The following SPNS1 variants were observed in gnomAD, a reference collection of about 807,000 sequenced individuals.
SPNS1 encodes SPNS lysolipid transporter 1, lysophospholipid.
A neutral mutation model predicts 50.3 loss-of-function variants in SPNS1; 22 were observed. The observed-to-expected ratio is 0.44, with a 90% CI of 0.31 to 0.62. The LOEUF (loss-of-function observed/expected upper bound fraction) is 0.62. Ranked by LOEUF, SPNS1 falls within the 20% of genes least tolerant of loss-of-function variation. The pLI is 0.07. For missense variants in SPNS1, 576 were observed against 728.6 expected, an observed-to-expected ratio of 0.79 and a Z score of 2.41; for synonymous variants, 295 against 317.4, an observed-to-expected ratio of 0.93 and a Z score of 0.75.
intron 9 of SPNS1, 34 bp downstream of exon 9, chr16:28,982,956 A>G (rs779537109): frequency 6.2e-7 from 1 of 1,611,778 alleles, no homozygotes; most frequent in Non-Finnish European, 8.5e-7. Flanking sequence ...GTCAGCGCAG[A>G]GGCTGATGAG....
At chr16:28,979,041 C>A in intron 3 of SPNS1, 114 bp from the exon 4 acceptor site, 1 of 1,351,528 alleles carries the variant, frequency 7.4e-7, no homozygotes, top group Non-Finnish European at 1.0e-6. Flanking sequence ...CTGTGTGATT[C>A]TAAAACCCAG....
Position 28,981,894 on chromosome 16 carries a change from T to C in SPNS1, c.810-7T>C, listed in dbSNP as rs769799596. The C allele has an allele frequency of 5.0e-6, 8 of 1,613,886 alleles. No homozygotes were observed. The highest frequency in any genetic ancestry group is 8.5e-7 in the Non-Finnish European group (1 of 1,179,930). ...GGTCTTACTCTCTCCCTCCCAACTA[T>C]CTGCAGTCCTAGTTTCGTCCTGTCT... On this transcript the variant is annotated splice_polypyrimidine_tract_variant and splice_region_variant and intron_variant, in intron 6 of 11. Transcript: ENST00000311008. The surrounding 1 kb of genome is among the most constrained non-coding windows in gnomAD (Gnocchi z 4.2).
At chr16:28,975,424 T>G in intron 1 of SPNS1, 32 bp downstream of exon 1, 1 of 1,614,200 alleles carries the variant, frequency 6.2e-7, no homozygotes, top group Admixed American at 1.7e-5. Context: ...GAAGATAGTC[T>G]AGGAGAGGGG....
Position 28,984,409 on chromosome 16 carries a change from G to A in SPNS1, c.*110G>A, listed in dbSNP as rs541318743. ...TGGCCCAGCTTCCAGAGGGACCCTG[G>A]GCCGTGTGCCAGCTCCCAGACACTA... On this transcript the variant is annotated 3_prime_UTR_variant, in exon 12 of 12. Transcript: ENST00000311008. 26 of 1,119,078 alleles carry A rather than the reference G, an allele frequency of 2.3e-5. No homozygotes were observed. Among genetic ancestry groups the A allele is most frequent in the Non-Finnish European group, 3.3e-5 (25 of 763,590 alleles). The allele number at this position is 1,119,078 out of a possible 1,614,324, so 69.3% of individuals were successfully genotyped here.
chr16:28,982,100 C>A, intron 7 of SPNS1, 44 bp downstream of exon 7: 5 of 1,597,792 alleles, frequency 3.1e-6, no homozygotes, highest in Non-Finnish European at 4.3e-6. Context: ...GGTGGCAGGG[C>A]TGGAGTGAAG....
At chr16:28,978,128 T>TG in intron 3 of SPNS1, 84 bp downstream of exon 3, 2 of 1,543,372 alleles carry the variant, frequency 1.3e-6, no homozygotes, top group Non-Finnish European at 1.8e-6. Context: ...TATGGCAGAC[T>TG]GGGCCTCAGG....
In SPNS1 at chr16:28,979,508, G is replaced by A. The variant is rs117877777; in HGVS notation, c.663+37G>A. On this transcript the variant is annotated intron_variant, in intron 5 of 11. Transcript: ENST00000311008. The stretch of plus-strand genomic sequence containing the variant: ...CTTGGCCTGGGGGTAGGTCAGCGAC[G>A]TTCTCACTGATCCCTGTTTCCTACC... 4,056 of 1,603,606 alleles carry A rather than the reference G, an allele frequency of 2.5e-3. 70 individuals carry two copies. The East Asian group carries it at 0.032, about 13-fold the overall frequency.
Position 28,983,320 on chromosome 16 carries a change from T to C in SPNS1, c.1320+30T>C, listed in dbSNP as rs1182523492. 1 of 1,579,592 alleles carries C rather than the reference T, an allele frequency of 6.3e-7. No individual in the cohort carries two copies. Among genetic ancestry groups the C allele is most frequent in the African/African-American group, 1.3e-5 (1 of 74,212 alleles). On this transcript the variant is annotated intron_variant, in intron 10 of 11. Transcript: ENST00000311008. This position sits in a 1 kb window ranked among gnomAD's most constrained non-coding sequence, Gnocchi z 5.4. ...GCATTATTTCTTGGCTGGCATGGGG[T>C]GGCTGGTGTCCTGAGCCTGGGCTGG... is the stretch of plus-strand genomic sequence containing the variant.
Position 28,983,696 on chromosome 16 carries a change from T to C in SPNS1, c.1321-90T>C. ...CCTCCTTCCCTTTCCTGGGCTCCAC[T>C]TGTCTTTCTCCCTGGAGCTCAGGGG... On this transcript the variant is annotated intron_variant, in intron 10 of 11. Transcript: ENST00000311008. The surrounding 1 kb of genome is among the most constrained non-coding windows in gnomAD (Gnocchi z 5.4). 1 of 1,411,722 alleles carries C rather than the reference T, an allele frequency of 7.1e-7. No homozygotes were observed. The highest frequency in any genetic ancestry group is 9.5e-7 in the Non-Finnish European group (1 of 1,054,574). The allele number at this position is 1,411,722 out of a possible 1,614,324, so 87.4% of individuals were successfully genotyped here.
In SPNS1 at chr16:28,983,773, C is replaced by G; in HGVS notation, c.1321-13C>G. On this transcript the variant is annotated splice_polypyrimidine_tract_variant and intron_variant, in intron 10 of 11. Transcript: ENST00000311008. The surrounding 1 kb of genome is among the most constrained non-coding windows in gnomAD (Gnocchi z 5.4). ...GCTGACTCCCCTGGCTTTCCTGTCT[C>G]CTCTCCCTGCAGATCTCTGACCGCC... 1 of 1,569,526 alleles carries G rather than the reference C, an allele frequency of 6.4e-7. No homozygotes were observed. The highest frequency in any genetic ancestry group is 1.2e-5 in the South Asian group (1 of 86,326).
In SPNS1 at chr16:28,984,488, A is replaced by T. The variant is rs544037733; in HGVS notation, c.*189A>T. ...GTCCAGGAGGGGGATCCCTCTCCAC[A>T]GGGGCAGCCCCAAGGGCTCGGTGCT... On this transcript the variant is annotated 3_prime_UTR_variant, in exon 12 of 12. Transcript: ENST00000311008. The T allele has an allele frequency of 1.4e-6, 1 of 706,380 alleles. No homozygotes were observed. Among genetic ancestry groups the T allele is most frequent in the East Asian group, 2.7e-5 (1 of 37,306 alleles). 43.8% of individuals were successfully genotyped at this position (706,380 alleles called of 1,614,324 possible). A position where few individuals can be genotyped will look rare whatever the true frequency, so the allele number is the denominator to read the frequency against.
Position 28,983,275 on chromosome 16 carries a change from C to T in SPNS1, c.1305C>T (p.Pro435=). The T allele has an allele frequency of 6.2e-7, 1 of 1,614,062 alleles. No individual in the cohort carries two copies. The highest frequency in any genetic ancestry group is 1.1e-5 in the South Asian group (1 of 91,080). ...ACCTGCTGGGTGATGCTGGGAGCCC[C>T]TACCTCATTGGCCTGGTGAGCATTA... is the stretch of plus-strand genomic sequence containing the variant. ...LSHLLGDAGS[P]YLIGLISDRL... The change falls in exon 10 of 12, where the codon CCC becomes CCT. Residue 435 remains proline, a synonymous_variant. Coordinates refer to ENST00000311008, the MANE Select transcript of SPNS1 (RefSeq NM_032038.3). The surrounding 1 kb of genome is among the most constrained non-coding windows in gnomAD (Gnocchi z 5.4).
At position 28,982,461 on chromosome 16, in the gene SPNS1, G is replaced by A. The variant is rs780377313; in HGVS notation, c.1071G>A (p.Leu357=). The change falls in exon 8 of 12, where the codon CTG becomes CTA. Residue 357 remains leucine (L), a synonymous_variant. Transcript: ENST00000311008. ...ACTCCAACCCCCGGGCTGATCCCCT[G>A]GTCTGTGCCACTGGCCTCCTGGGCT... ...LRHSNPRADP[L]VCATGLLGSA... 3 of 1,613,872 alleles carry A rather than the reference G, an allele frequency of 1.9e-6. No homozygotes were observed. The highest frequency in any genetic ancestry group is 2.5e-6 in the Non-Finnish European group (3 of 1,179,954).
downstream of SPNS1, chr16:28,984,692 C>T (rs1347962147): frequency 8.9e-6 from 6 of 675,614 alleles, no homozygotes; most frequent in Admixed American, 1.4e-4. Flanking sequence ...TGGGGGACTG[C>T]TCTTCTCCGA....
At chr16:28,978,906 A>C (rs758217970) in intron 3 of SPNS1, 23 of 555,712 alleles carry the variant, frequency 4.1e-5, no homozygotes, top group Non-Finnish European at 7.0e-5. Flanking sequence ...TAGTCCTTGC[A>C]ATAGCTCTGT....
chr16:28,981,430 G>A lies in SPNS1; in HGVS notation c.664-40G>A, dbSNP rs1056112818. On this transcript the variant is annotated intron_variant, in intron 5 of 11. Transcript: ENST00000311008. The surrounding 1 kb of genome is among the most constrained non-coding windows in gnomAD (Gnocchi z 4.2). ...CTCCTCCAGCCCAGGGCTTGAGTGTGTCTCTCCCTGTGCCTATCCTGAAGC... is the reference window on the plus strand; with the variant it reads ...CTCCTCCAGCCCAGGGCTTGAGTGTATCTCTCCCTGTGCCTATCCTGAAGC... The A allele has an allele frequency of 6.2e-7, 1 of 1,612,696 alleles. No homozygotes were observed. The highest frequency in any genetic ancestry group is 2.2e-5 in the East Asian group (1 of 44,878).
intron 5 of SPNS1, 33 bp downstream of exon 5, chr16:28,979,504 C>G: frequency 6.2e-7 from 1 of 1,609,222 alleles, no homozygotes; most frequent in Non-Finnish European, 8.5e-7. Context: ...GGTAGGTCAG[C>G]GACGTTCTCA....
At chr16:28,982,077 TG>T (rs1567525891) in intron 7 of SPNS1, 21 bp downstream of exon 7, 4 of 1,609,176 alleles carry the variant, frequency 2.5e-6, no homozygotes, top group East Asian at 2.2e-5. Flanking sequence ...GGGGCTATGC[TG>T]GGGGGCCTGC....
chr16:28,983,145 C>T lies in SPNS1; in HGVS notation c.1222-47C>T, dbSNP rs749739177. Reference sequence around the variant, plus strand: ...GGTCTCCTGGCCCCCTGCCTCCTGCCCCCTGGAGCCCAGAGCATCCACTGA... The same window carrying T: ...GGTCTCCTGGCCCCCTGCCTCCTGCTCCCTGGAGCCCAGAGCATCCACTGA... On this transcript the variant is annotated intron_variant, in intron 9 of 11. Coordinates refer to ENST00000311008, the MANE Select transcript of SPNS1 (RefSeq NM_032038.3). The surrounding 1 kb of genome is among the most constrained non-coding windows in gnomAD (Gnocchi z 5.4). 6.8e-7 allele frequency: 1 copy of T among 1,476,546 alleles called. No homozygotes were observed. The highest frequency in any genetic ancestry group is 1.1e-5 in the South Asian group (1 of 87,912). 91.5% of individuals were successfully genotyped at this position (1,476,546 alleles called of 1,614,324 possible). A position where few individuals can be genotyped will look rare whatever the true frequency, so the allele number is the denominator to read the frequency against.
Sources: allele counts gnomAD v4.1 joint callset, GRCh38; gene constraint gnomAD v4.1.1; non-coding constraint Gnocchi (gnomAD v3.1); transcripts MANE v1.5; gene names NCBI Gene and HGNC (gene_info 2026-07-23, HGNC 2026-07-21).